The following LUZP2 variants were observed in gnomAD, a reference collection of about 807,000 sequenced individuals.
The protein encoded by LUZP2 is leucine zipper protein 2.
In LUZP2, 52 loss-of-function variants were observed where a neutral mutation model predicts 51.6. That is an observed-to-expected ratio of 1.01 (90% CI 0.81 to 1.27). The LOEUF (loss-of-function observed/expected upper bound fraction) is 1.27. LUZP2 is among the 50% of genes most tolerant of loss of function. The pLI, the probability that LUZP2 is intolerant of heterozygous loss-of-function variation, is 0.00. For missense variants in LUZP2, 436 were observed against 395.4 expected, an observed-to-expected ratio of 1.10 and a Z score of -0.87; for synonymous variants, 154 against 137.3, an observed-to-expected ratio of 1.12 and a Z score of -0.85.
At chr11:24,981,419 C>T (rs1856025952) in intron 8 of LUZP2, among the ~76,000 whole-genome samples, 1 of 151,682 alleles carries the variant, frequency 6.6e-6, no homozygotes, top group Non-Finnish European at 1.5e-5. Context: ...CCAGTGGTCA[C>T]CCTCATTGCC....
intron 5 of LUZP2, among the ~76,000 whole-genome samples, chr11:24,798,065 AAAG>A (rs1261339028): frequency 6.6e-6 from 1 of 152,178 alleles, no homozygotes; most frequent in Non-Finnish European, 1.5e-5. Flanking sequence ...GTGTTATTAA[AAAG>A]AAGTCCTTTT....
At chr11:24,658,422 A>G in intron 1 of LUZP2, among the ~76,000 whole-genome samples, 1 of 152,244 alleles carries the variant, frequency 6.6e-6, no homozygotes, top group Non-Finnish European at 1.5e-5. Flanking sequence ...AGAAAAATTA[A>G]TTCAAGATGG....
chr11:24,523,439 G>A (rs996965828), intron 1 of LUZP2, among the ~76,000 whole-genome samples: 2 of 150,892 alleles, frequency 1.3e-5, no homozygotes, highest in Non-Finnish European at 3.0e-5. Context: ...TTTTAATTAT[G>A]TTTAGTGAAT....
At chr11:24,966,437 TG>T (rs1320820967) in intron 7 of LUZP2, among the ~76,000 whole-genome samples, 1 of 150,428 alleles carries the variant, frequency 6.6e-6, no homozygotes, top group African/African-American at 2.4e-5. Flanking sequence ...TTCTAATGTT[TG>T]GGGTTTTTGT....
At chr11:25,048,649 A>G (rs1401887457) in intron 9 of LUZP2, among the ~76,000 whole-genome samples, 1 of 152,136 alleles carries the variant, frequency 6.6e-6, no homozygotes, top group African/African-American at 2.4e-5. Flanking sequence ...TTATTTTTTA[A>G]TCCTAGAGAA....
intron 1 of LUZP2, among the ~76,000 whole-genome samples, chr11:24,542,657 G>A (rs1177081793): frequency 1.3e-5 from 2 of 151,836 alleles, no homozygotes; most frequent in Non-Finnish European, 2.9e-5. Context: ...CTTTATTTGA[G>A]TGCTAGCCAT....
At chr11:25,064,721 A>G (rs1381066090) in intron 10 of LUZP2, among the ~76,000 whole-genome samples, 24 of 151,868 alleles carry the variant, frequency 1.6e-4, no homozygotes, top group Admixed American at 1.6e-3. Flanking sequence ...ACTGTCTCTC[A>G]ATTTAAGACA....
chr11:24,719,067 A>C (rs1858164315), intron 1 of LUZP2, among the ~76,000 whole-genome samples: 1 of 152,238 alleles, frequency 6.6e-6, no homozygotes, highest in South Asian at 2.1e-4. Context: ...TTCAAGCCCC[A>C]GGGCAGATGG....
At chr11:24,681,023 G>T (rs1182598074) in intron 1 of LUZP2, among the ~76,000 whole-genome samples, 1 of 148,242 alleles carries the variant, frequency 6.7e-6, no homozygotes, top group Non-Finnish European at 1.5e-5. Flanking sequence ...CGCCCAGGCC[G>T]GACTGCGGAC....
At chr11:24,898,374 T>C (rs975607757) in intron 5 of LUZP2, among the ~76,000 whole-genome samples, 2 of 152,150 alleles carry the variant, frequency 1.3e-5, no homozygotes, top group African/African-American at 4.8e-5. Context: ...CCTATAATTC[T>C]AGCATTTTGG....
At chr11:24,566,052 T>C in intron 1 of LUZP2, among the ~76,000 whole-genome samples, 1 of 151,148 alleles carries the variant, frequency 6.6e-6, no homozygotes, top group East Asian at 1.9e-4. Flanking sequence ...GCAACAATAA[T>C]AAAAAAAATT....
chr11:24,926,563 G>GTA (rs1385577425), intron 7 of LUZP2, among the ~76,000 whole-genome samples: 1 of 143,316 alleles, frequency 7.0e-6, no homozygotes, highest in Non-Finnish European at 1.5e-5. Context: ...ATATGTGTGT[G>GTA]TATATATATA....
At chr11:24,622,343 T>G (rs549274409) in intron 1 of LUZP2, among the ~76,000 whole-genome samples, 1 of 151,770 alleles carries the variant, frequency 6.6e-6, no homozygotes, top group East Asian at 2.0e-4. Flanking sequence ...GTGTTCTCAT[T>G]GTTCAATTCC....
At chr11:24,916,985 TC>T (rs1460387277) in intron 7 of LUZP2, among the ~76,000 whole-genome samples, 1 of 152,126 alleles carries the variant, frequency 6.6e-6, no homozygotes, top group Non-Finnish European at 1.5e-5. Flanking sequence ...CCACATCCTC[TC>T]CAGCACCTGT....
chr11:24,786,481 A>T (rs1001899121), intron 5 of LUZP2: 1 of 980,480 alleles, frequency 1.0e-6, no homozygotes, highest in Non-Finnish European at 1.2e-6. Context: ...GCCTATTTGT[A>T]ACACCTTCCC....
Position 25,080,246 on chromosome 11 carries a change from C to A in LUZP2, c.*1588C>A, listed in dbSNP as rs891883481. 6.6e-6 allele frequency: 1 copy of A among 152,118 alleles called. No individual in the cohort carries two copies. Among genetic ancestry groups the A allele is most frequent in the East Asian group, 1.9e-4 (1 of 5,170 alleles). The allele number at this position is 152,118 out of a possible 1,614,324, so 9.4% of individuals were successfully genotyped here. On this transcript the variant is annotated 3_prime_UTR_variant, in exon 12 of 12. Coordinates refer to ENST00000336930, the MANE Select transcript of LUZP2 (RefSeq NM_001009909.4). ...AGTGATACATGGTCCATGAAATATT[C>A]AACACTTTATTATAAAATAGGGTTT...
chr11:25,015,056 G>A (rs1000030422), intron 9 of LUZP2, among the ~76,000 whole-genome samples: 1 of 152,030 alleles, frequency 6.6e-6, no homozygotes, highest in African/African-American at 2.4e-5. Flanking sequence ...AGATCAGATA[G>A]TTGTAGATAT....
At chr11:24,613,088 C>G (rs780865279) in intron 1 of LUZP2, among the ~76,000 whole-genome samples, 1 of 152,108 alleles carries the variant, frequency 6.6e-6, no homozygotes, top group Admixed American at 6.6e-5. Context: ...GTAGCTATTT[C>G]TCCCTCTCTA....
At chr11:24,975,799 A>T (rs1183981899) in intron 7 of LUZP2, among the ~76,000 whole-genome samples, 2 of 152,014 alleles carry the variant, frequency 1.3e-5, no homozygotes, top group African/African-American at 4.8e-5. Flanking sequence ...CACAATAATG[A>T]TACTTGTAAT....
Sources: gnomAD v4.1 joint callset for allele counts (sites outside exome capture counted in the v4.1 genomes callset) on GRCh38, gnomAD v4.1.1 for gene constraint, MANE v1.5 for transcripts, NCBI Gene and HGNC (gene_info 2026-07-23, HGNC 2026-07-21) for gene names.